Variants in MLLT10 observed in about 807,000 individuals in gnomAD.
MLLT10 encodes the protein protein AF-10.
In MLLT10, 30 loss-of-function variants were observed where a neutral mutation model predicts 129.1. That is an observed-to-expected ratio of 0.23 (90% CI 0.17 to 0.32). MLLT10 has a LOEUF of 0.32. Among genes scored for constraint, MLLT10 ranks in the 10% least tolerant of loss-of-function variants. The pLI, the probability that MLLT10 is intolerant of heterozygous loss-of-function variation, is 1.00. For missense variants in MLLT10, 1,119 were observed against 1,268.3 expected (o/e 0.88, Z 1.79); for synonymous variants, 490 against 446.4 (o/e 1.10, Z -1.23).
At chr10:21,693,889 T>C (rs2054116887) in intron 13 of MLLT10, among the ~76,000 whole-genome samples, 1 of 152,196 alleles carries the variant, frequency 6.6e-6, no homozygotes, top group Admixed American at 6.5e-5. Context: ...TTTAATTTAT[T>C]GTTTTATTAG....
At chr10:21,698,808 A>C (rs1219446325) in intron 13 of MLLT10, among the ~76,000 whole-genome samples, 1 of 152,134 alleles carries the variant, frequency 6.6e-6, no homozygotes, top group Non-Finnish European at 1.5e-5. Flanking sequence ...TTCGATTTAC[A>C]TTCCCCTGAT....
chr10:21,634,728 C>G (rs2047304501), intron 8 of MLLT10, among the ~76,000 whole-genome samples: 1 of 152,192 alleles, frequency 6.6e-6, no homozygotes, highest in Non-Finnish European at 1.5e-5. Flanking sequence ...ATCCAAACAT[C>G]CATCCATTCA....
At chr10:21,729,191 CTA>C (rs1407006127) in intron 16 of MLLT10, among the ~76,000 whole-genome samples, 1 of 151,934 alleles carries the variant, frequency 6.6e-6, no homozygotes, top group Non-Finnish European at 1.5e-5. Flanking sequence ...GTGATTAATT[CTA>C]TGTTGTTTTT....
intron 3 of MLLT10, among the ~76,000 whole-genome samples, chr10:21,546,430 A>T (rs1260975386): frequency 3.4e-5 from 5 of 149,010 alleles, no homozygotes. Context: ...TTTGAGATGG[A>T]GTCTCACTCT....
At chr10:21,582,848 A>AG (rs2041616454) in intron 3 of MLLT10, among the ~76,000 whole-genome samples, 1 of 152,214 alleles carries the variant, frequency 6.6e-6, no homozygotes, top group Non-Finnish European at 1.5e-5. Context: ...CAGGAAGAGC[A>AG]GATTTTGTCA....
At chr10:21,646,754 G>A (rs2048515954) in intron 8 of MLLT10, among the ~76,000 whole-genome samples, 1 of 152,048 alleles carries the variant, frequency 6.6e-6, no homozygotes, top group Non-Finnish European at 1.5e-5. Flanking sequence ...CATATCTTCA[G>A]GCCAAGGGGA....
chr10:21,578,365 A>G (rs1448537778), intron 3 of MLLT10, among the ~76,000 whole-genome samples: 3 of 152,238 alleles, frequency 2.0e-5, no homozygotes, highest in Admixed American at 6.5e-5. Flanking sequence ...TATCCTGGAT[A>G]CAAACTACTT....
At chr10:21,717,686 C>CTCTTCCTCCTCCTCT (rs1288713711) in intron 14 of MLLT10, among the ~76,000 whole-genome samples, 1 of 59,134 alleles carries the variant, frequency 1.7e-5, no homozygotes, top group African/African-American at 8.7e-5. Context: ...CTTCCTCCTC[C>CTCTTCCTCCTCCTCT]TCCTCCTCCT....
chr10:21,590,406 G>A (rs955440280), intron 4 of MLLT10, among the ~76,000 whole-genome samples: 1 of 151,408 alleles, frequency 6.6e-6, no homozygotes, highest in African/African-American at 2.4e-5. Context: ...GTGGCGTGAT[G>A]TCGGCTCACT....
intron 13 of MLLT10, among the ~76,000 whole-genome samples, chr10:21,711,051 T>A (rs761659567): frequency 9.2e-5 from 14 of 152,158 alleles, no homozygotes; most frequent in Non-Finnish European, 1.6e-4. Flanking sequence ...AGTCACCAAG[T>A]CCTTAGAATT....
At chr10:21,540,126 C>T (rs532748222) in intron 3 of MLLT10, among the ~76,000 whole-genome samples, 71 of 152,182 alleles carry the variant, frequency 4.7e-4, no homozygotes, top group African/African-American at 1.6e-3. Flanking sequence ...CACAGTGGCT[C>T]ATGCCTATAA....
intron 8 of MLLT10, among the ~76,000 whole-genome samples, chr10:21,630,636 C>T (rs2046909175): frequency 6.6e-6 from 1 of 152,236 alleles, no homozygotes; most frequent in Non-Finnish European, 1.5e-5. Context: ...GTCACCCTGT[C>T]AGAATGGGGA....
rs1016186577 is a variant in MLLT10, at chr10:21,535,054, G to A, written c.160+250G>A. ...GGCCGCCGCCTGCGCCTGGGGCCGGGGTCTGCTGACTCGGCGGGGCGGGGC... is the reference window on the plus strand; with the variant it reads ...GGCCGCCGCCTGCGCCTGGGGCCGGAGTCTGCTGACTCGGCGGGGCGGGGC... On this transcript the variant is annotated intron_variant, in intron 2 of 22. Transcript: ENST00000307729. Among the ~76,000 whole-genome samples, 7 of 149,454 alleles carry A rather than the reference G, an allele frequency of 4.7e-5. No homozygotes were observed. In the South Asian group the frequency reaches 1.2e-3, roughly 27 times the overall value.
chr10:21,603,759 G>A (rs2043787572), intron 5 of MLLT10, among the ~76,000 whole-genome samples: 1 of 151,984 alleles, frequency 6.6e-6, no homozygotes, highest in Non-Finnish European at 1.5e-5. Flanking sequence ...GAACTCTTAA[G>A]GGAAATCTGT....
chr10:21,670,385 A>T, intron 9 of MLLT10, 64 bp from the exon 10 acceptor site: 1 of 1,477,144 alleles, frequency 6.8e-7, no homozygotes, highest in South Asian at 1.4e-5. Flanking sequence ...TGTGGCACCC[A>T]TTGTTTTCTG....
intron 3 of MLLT10, among the ~76,000 whole-genome samples, chr10:21,565,651 G>C (rs1179637113): frequency 6.7e-6 from 1 of 149,534 alleles, no homozygotes; most frequent in Non-Finnish European, 1.5e-5. Context: ...TGTCACCCAG[G>C]CTGCATTGCA....
chr10:21,580,903 G>A (rs1273011857), intron 3 of MLLT10, among the ~76,000 whole-genome samples: 5 of 142,324 alleles, frequency 3.5e-5, no homozygotes, highest in Admixed American at 2.2e-4. Flanking sequence ...TAGTAGAGAC[G>A]GAGTTTCACT....
chr10:21,731,023 ATTT>A lies in MLLT10; in HGVS notation c.2190_2192del (p.Phe730del). The A allele has an allele frequency of 6.2e-7, 1 of 1,613,944 alleles. No homozygotes were observed. Among genetic ancestry groups the A allele is most frequent in the Non-Finnish European group, 8.5e-7 (1 of 1,179,954 alleles). ...AGAGGCAGTGGAGTGAAGGACAGCAATTTTTACTAGAACAGGGTACTCCTAGTG... is the reference window on the plus strand; with the variant it reads ...AGAGGCAGTGGAGTGAAGGACAGCAATTACTAGAACAGGGTACTCCTAGTG... On this transcript the variant is annotated inframe_deletion, in exon 17 of 23. Transcript: ENST00000307729.
intron 21 of MLLT10, 92 bp from the exon 22 acceptor site, chr10:21,739,937 TA>T: frequency 1.0e-6 from 1 of 962,598 alleles, no homozygotes. Context: ...TGCAAATATC[TA>T]ATATTAAAGG....
Sources: gnomAD v4.1 joint callset for allele counts (sites outside exome capture counted in the v4.1 genomes callset) on GRCh38, gnomAD v4.1.1 for gene constraint, MANE v1.5 for transcripts, NCBI Gene and HGNC (gene_info 2026-07-23, HGNC 2026-07-21) for gene names.